ABI3BP: variants seen among roughly 807,000 people sequenced by gnomAD.
The protein encoded by ABI3BP is ABI family member 3 binding protein.
ABI3BP carries 216 observed loss-of-function variants against 268.6 expected under a neutral mutation model. That is an observed-to-expected ratio of 0.80 (90% CI 0.72 to 0.90). The LOEUF (loss-of-function observed/expected upper bound fraction) is 0.90, where lower values mean the gene tolerates loss of function less well. Ranked by LOEUF, ABI3BP falls within the 40% of genes least tolerant of loss-of-function variation. The pLI is 0.00. For missense variants in ABI3BP, 2,090 were observed against 2,182.4 expected (o/e 0.96, Z 0.84); for synonymous variants, 730 against 730.0 (o/e 1.00, Z 0.00).
At chr3:100,886,065 A>T in intron 5 of ABI3BP, 77 bp downstream of exon 5, 1 of 1,134,298 alleles carries the variant, frequency 8.8e-7, no homozygotes, top group Non-Finnish European at 1.2e-6. Context: ...TTATACAATG[A>T]ATAACATAAT....
At chr3:100,797,668 C>T (rs2097389893) in intron 51 of ABI3BP, among the ~76,000 whole-genome samples, 1 of 150,186 alleles carries the variant, frequency 6.7e-6, no homozygotes, top group African/African-American at 2.4e-5. Flanking sequence ...TTTTGGGAAT[C>T]ATGTTTAACT....
At chr3:100,843,542 TGAGAGAGAGA>T (rs35241411) in intron 20 of ABI3BP, 131 of 854,306 alleles carry the variant, frequency 1.5e-4, no homozygotes, top group Middle Eastern at 1.2e-3. Context: ...TGTGTGTGTG[TGAGAGAGAGA>T]GAGAGAGAGA....
intron 34 of ABI3BP, among the ~76,000 whole-genome samples, chr3:100,826,291 T>A (rs2098383035): frequency 6.6e-6 from 1 of 152,232 alleles, no homozygotes; most frequent in Non-Finnish European, 1.5e-5. Context: ...CTTCTGTTAT[T>A]TAAGCCACCT....
At chr3:100,829,703 G>C (rs1263944587) in intron 32 of ABI3BP, 39 bp from the exon 33 acceptor site, 1 of 1,442,262 alleles carries the variant, frequency 6.9e-7, no homozygotes, top group Admixed American at 2.0e-5. Context: ...AGCGTGTTTG[G>C]TTCCGGAAGC....
intron 1 of ABI3BP, among the ~76,000 whole-genome samples, chr3:100,928,066 T>C (rs748421140): frequency 2.0e-5 from 3 of 151,888 alleles, no homozygotes; most frequent in Admixed American, 6.6e-5. Context: ...ATGTGTTTCA[T>C]TGAAGAAATG....
chr3:100,761,026 C>A (rs1169732687), intron 63 of ABI3BP, among the ~76,000 whole-genome samples: 1 of 152,182 alleles, frequency 6.6e-6, no homozygotes. Flanking sequence ...CTGCTCCTCT[C>A]CCTTCTCCCA....
chr3:100,930,463 AGT>A (rs899263424), intron 1 of ABI3BP, among the ~76,000 whole-genome samples: 53 of 152,088 alleles, frequency 3.5e-4, no homozygotes, highest in African/African-American at 1.3e-3. Flanking sequence ...TATTTCAAAG[AGT>A]GTTAAGAAAT....
At position 100,749,730 on chromosome 3, in the gene ABI3BP, A is replaced by C. The variant is rs565331756; in HGVS notation, c.*765T>G. On this transcript the variant is annotated 3_prime_UTR_variant, in exon 68 of 68. Coordinates refer to ENST00000471714, the MANE Select transcript of ABI3BP (RefSeq NM_001375547.2). The stretch of plus-strand genomic sequence containing the variant: ...ATACAGCTTGATTAGAATCATAAAA[A>C]CAATATGAAGACGATTGCATAAAGG... 11 of 398,506 alleles carry C rather than the reference A, an allele frequency of 2.8e-5. No homozygotes were observed. Among genetic ancestry groups the C allele is most frequent in the African/African-American group, 2.3e-4 (11 of 48,736 alleles). The allele number at this position is 398,506 out of a possible 1,614,324, so 24.7% of individuals were successfully genotyped here.
At chr3:100,922,449 T>C (rs528716718) in intron 2 of ABI3BP, among the ~76,000 whole-genome samples, 6 of 152,194 alleles carry the variant, frequency 3.9e-5, no homozygotes, top group African/African-American at 1.4e-4. Flanking sequence ...ATTATCCAGA[T>C]GAGCTTACTA....
chr3:100,781,596 G>C (rs538293010), intron 57 of ABI3BP, among the ~76,000 whole-genome samples: 18 of 152,230 alleles, frequency 1.2e-4, no homozygotes, highest in African/African-American at 4.1e-4. Flanking sequence ...GAACAGCATA[G>C]GGAATTGAAG....
At chr3:100,900,363 C>T (rs144863269) in intron 3 of ABI3BP, among the ~76,000 whole-genome samples, 62 of 152,282 alleles carry the variant, frequency 4.1e-4, no homozygotes, top group African/African-American at 1.4e-3. Flanking sequence ...CGTGATGCAA[C>T]GATCTCATTC....
chr3:100,967,279 A>G lies in ABI3BP; in HGVS notation c.79+26027T>C, dbSNP rs184600978. 5.9e-5 allele frequency among the ~76,000 whole-genome samples: 9 copies of G among 152,162 alleles called. No individual in the cohort carries two copies. In the East Asian group the frequency reaches 1.7e-3, roughly 29 times the overall value. The stretch of plus-strand genomic sequence containing the variant: ...TAGTTTGGGAGGCTGAGGCGGGTGG[A>G]TCACTTGAGTTCAGCAGTTCAAGAC... On this transcript the variant is annotated intron_variant, in intron 1 of 67. Coordinates refer to ENST00000471714, the MANE Select transcript of ABI3BP (RefSeq NM_001375547.2).
intron 61 of ABI3BP, 90 bp from the exon 62 acceptor site, chr3:100,771,042 G>T: frequency 1.7e-6 from 2 of 1,162,276 alleles, no homozygotes; most frequent in Non-Finnish European, 2.3e-6. Context: ...GAGGACATTT[G>T]GTCTCATATT....
chr3:100,880,451 TAGATTTTTTTCTTCTTCATTTCC>T (rs2153356183), intron 6 of ABI3BP, among the ~76,000 whole-genome samples: 1 of 152,324 alleles, frequency 6.6e-6, no homozygotes, highest in South Asian at 2.1e-4. Context: ...TGTCCTATAA[TAGATTTTTTTCTTCTTCATTTCC>T]AGATATCCTG....
At chr3:100,816,421 T>G in intron 43 of ABI3BP, 1 of 561,292 alleles carries the variant, frequency 1.8e-6, no homozygotes. Context: ...AGTATGCTAA[T>G]CTCGCTGTAA....
At chr3:100,963,931 G>T (rs2080204856) in intron 1 of ABI3BP, among the ~76,000 whole-genome samples, 1 of 152,168 alleles carries the variant, frequency 6.6e-6, no homozygotes, top group Non-Finnish European at 1.5e-5. Context: ...GACATCCCAG[G>T]CTAGAGATGG....
chr3:100,877,128 C>G (rs1395448618), intron 6 of ABI3BP, among the ~76,000 whole-genome samples: 1 of 152,198 alleles, frequency 6.6e-6, no homozygotes, highest in African/African-American at 2.4e-5. Context: ...TACTTAGAAA[C>G]TGCAATGGAA....
intron 2 of ABI3BP, among the ~76,000 whole-genome samples, chr3:100,919,209 G>A: frequency 6.6e-6 from 1 of 151,776 alleles, no homozygotes; most frequent in Non-Finnish European, 1.5e-5. Context: ...TCCCTATATA[G>A]TTCCTTCAGT....
chr3:100,894,965 A>AAAAAAAAAAAC (rs760156604), intron 4 of ABI3BP, among the ~76,000 whole-genome samples: 85 of 120,822 alleles, frequency 7.0e-4, no homozygotes, highest in Non-Finnish European at 1.2e-3. Context: ...AAAAAAAAAA[A>AAAAAAAAAAAC]AACAGAAAAA....
Sources: gnomAD v4.1 joint callset for allele counts (sites outside exome capture counted in the v4.1 genomes callset) on GRCh38, gnomAD v4.1.1 for gene constraint, MANE v1.5 for transcripts, NCBI Gene and HGNC (gene_info 2026-07-23, HGNC 2026-07-21) for gene names.